Variants in WBP2NL observed in about 807,000 individuals in gnomAD.
The protein encoded by WBP2NL is WBP2 N-terminal like, also known as postacrosomal sheath WW domain-binding protein.
A neutral mutation model predicts 23.3 loss-of-function variants in WBP2NL; 27 were observed. The observed-to-expected ratio is 1.16, with a 90% confidence interval of 0.85 to 1.60. The LOEUF (loss-of-function observed/expected upper bound fraction) is 1.60. Among genes scored for constraint, WBP2NL ranks in the 40% most tolerant of loss-of-function variants. WBP2NL has a pLI of 0.00. For missense variants in WBP2NL, 370 were observed against 389.5 expected (o/e 0.95, Z 0.42); for synonymous variants, 151 against 145.9 (o/e 1.03, Z -0.25).
At chr22:42,055,961 TTG>T (rs1446893048) in intron 8 of WBP2NL, among the ~76,000 whole-genome samples, 1 of 152,102 alleles carries the variant, frequency 6.6e-6, no homozygotes, top group East Asian at 1.9e-4. Flanking sequence ...CATTTTTGGA[TTG>T]TGTGTGCACT....
At chr22:42,020,649 T>A (rs1923807834) in intron 4 of WBP2NL, among the ~76,000 whole-genome samples, 1 of 151,436 alleles carries the variant, frequency 6.6e-6, no homozygotes, top group Non-Finnish European at 1.5e-5. Context: ...CTTCCTTGGG[T>A]CAGGGAGCCC....
chr22:42,009,321 G>A (rs563327853), intron 1 of WBP2NL, among the ~76,000 whole-genome samples: 1 of 152,266 alleles, frequency 6.6e-6, no homozygotes, highest in South Asian at 2.1e-4. Flanking sequence ...GTTTGATATA[G>A]TCCAATTTAT....
chr22:42,015,859 C>T (rs1031822544), intron 1 of WBP2NL, among the ~76,000 whole-genome samples: 7 of 152,124 alleles, frequency 4.6e-5, no homozygotes, highest in African/African-American at 1.7e-4. Context: ...GTGAGCTTTT[C>T]GAAGCCTTTA....
chr22:42,056,909 T>C (rs1926057297), intron 8 of WBP2NL, among the ~76,000 whole-genome samples: 2 of 152,172 alleles, frequency 1.3e-5, no homozygotes, highest in African/African-American at 4.8e-5. Context: ...TTTCCATGGT[T>C]TCTGATGAGA....
chr22:42,050,880 G>A (rs1016582636), intron 8 of WBP2NL, among the ~76,000 whole-genome samples: 5 of 152,164 alleles, frequency 3.3e-5, no homozygotes, highest in South Asian at 2.1e-4. Context: ...CAACAGGAAC[G>A]TTCATTGCTT....
intron 1 of WBP2NL, chr22:42,001,016 T>C (rs1323948682): frequency 1.1e-5 from 7 of 620,272 alleles, no homozygotes; most frequent in Middle Eastern, 4.8e-4. Context: ...GCTCAAGATA[T>C]GTCATATAAT....
At chr22:42,007,290 A>G (rs1467143180) in intron 1 of WBP2NL, among the ~76,000 whole-genome samples, 1 of 152,220 alleles carries the variant, frequency 6.6e-6, no homozygotes, top group African/African-American at 2.4e-5. Flanking sequence ...TTTTGAAAAC[A>G]TAATTTTGCC....
At chr22:42,032,172 C>T (rs1924990906), downstream of WBP2NL, 1 of 152,226 alleles carries the variant, frequency 6.6e-6, no homozygotes, top group South Asian at 2.1e-4. Context: ...TGAGAAGTTT[C>T]TTCTGGTCAT....
chr22:42,001,691 T>C (rs1161805596), intron 1 of WBP2NL: 2 of 1,219,990 alleles, frequency 1.6e-6, no homozygotes, highest in Non-Finnish European at 2.4e-6. Context: ...CTTGTATTTA[T>C]CTTTGAAGGT....
downstream of WBP2NL, among the ~76,000 whole-genome samples, chr22:42,036,248 C>T (rs1925177062): frequency 6.6e-6 from 1 of 152,110 alleles, no homozygotes; most frequent in African/African-American, 2.4e-5. Flanking sequence ...GATCTGGGCT[C>T]ACTGCAAGCT....
At chr22:42,006,645 G>C (rs891433819) in intron 1 of WBP2NL, among the ~76,000 whole-genome samples, 1 of 152,238 alleles carries the variant, frequency 6.6e-6, no homozygotes, top group African/African-American at 2.4e-5. Context: ...CAGTTCTTTA[G>C]GGATGGACTA....
intron 4 of WBP2NL, among the ~76,000 whole-genome samples, chr22:42,020,874 A>ATATG (rs1923859009): frequency 6.5e-5 from 1 of 15,474 alleles, no homozygotes; most frequent in Non-Finnish European, 1.0e-4. Flanking sequence ...GTGTGTATAT[A>ATATG]TATATATATA....
At chr22:42,038,606 A>AT (rs922221761) in intron 8 of WBP2NL, among the ~76,000 whole-genome samples, 39 of 149,340 alleles carry the variant, frequency 2.6e-4, no homozygotes, top group South Asian at 6.4e-4. Flanking sequence ...TCTTTGTTGG[A>AT]TTTTTTTTTT....
chr22:42,042,879 C>T lies in WBP2NL; in HGVS notation c.*273+12056C>T, dbSNP rs527810097. 5.3e-5 allele frequency among the ~76,000 whole-genome samples: 8 copies of T among 152,046 alleles called. No homozygotes were observed. In the East Asian group the frequency reaches 5.8e-4, roughly 11 times the overall value. On this transcript the variant is annotated intron_variant and NMD_transcript_variant, in intron 8 of 8. Coordinates refer to the WBP2NL transcript ENST00000436265. ...TTCGAGATGACCAGCTTGGGCAACA[C>T]GGTGAAACCCTGTCTCTACCAAAGA... is the stretch of plus-strand genomic sequence containing the variant.
intron 1 of WBP2NL, among the ~76,000 whole-genome samples, chr22:42,004,954 C>T (rs181559714): frequency 1.5e-4 from 23 of 151,812 alleles, no homozygotes; most frequent in African/African-American, 4.8e-4. Context: ...CATGGTGGCT[C>T]ATGCCTGTCA....
At chr22:42,010,539 T>G (rs1231258965) in intron 1 of WBP2NL, among the ~76,000 whole-genome samples, 1 of 152,020 alleles carries the variant, frequency 6.6e-6, no homozygotes, top group Non-Finnish European at 1.5e-5. Context: ...TTTTCTTTTC[T>G]TTTTTTTCTT....
chr22:42,001,434 C>G (rs1428849747), intron 1 of WBP2NL: 4 of 846,382 alleles, frequency 4.7e-6, no homozygotes, highest in South Asian at 4.5e-5. Context: ...TGCACAGACA[C>G]GTTAAAGCCT....
At chr22:42,024,070 C>T (rs1446763018) in intron 5 of WBP2NL, among the ~76,000 whole-genome samples, 1 of 152,216 alleles carries the variant, frequency 6.6e-6, no homozygotes, top group African/African-American at 2.4e-5. Context: ...GAATATATCA[C>T]ATAAAAGAAA....
chr22:42,006,706 T>C (rs1013743193), intron 1 of WBP2NL, among the ~76,000 whole-genome samples: 25 of 152,254 alleles, frequency 1.6e-4, no homozygotes, highest in Non-Finnish European at 2.2e-4. Context: ...TTGGAACTTA[T>C]GTTGAGAAAT....
Sources: allele counts gnomAD v4.1 joint callset (sites outside exome capture counted in the v4.1 genomes callset), GRCh38; gene constraint gnomAD v4.1.1; transcripts MANE v1.5; gene names NCBI Gene and HGNC (gene_info 2026-07-23, HGNC 2026-07-21).